The following PTPRM variants were observed in gnomAD, a reference collection of about 807,000 sequenced individuals.
PTPRM encodes the protein receptor-type tyrosine-protein phosphatase mu.
Under a neutral mutation model 186.7 loss-of-function variants are expected in PTPRM, and 47 were observed. The observed-to-expected ratio is 0.25, with a 90% CI of 0.20 to 0.32. The LOEUF is 0.32. PTPRM is among the 10% of genes least tolerant of loss of function. PTPRM has a pLI of 1.00. For synonymous variants in PTPRM, 668 were observed against 674.9 expected (o/e 0.99, Z 0.16); for missense variants, 1,494 against 1,865.0 (o/e 0.80, Z 3.66).
chr18:7,791,590 T>C (rs182929735), intron 2 of PTPRM, among the ~76,000 whole-genome samples: 8 of 152,242 alleles, frequency 5.3e-5, no homozygotes, highest in African/African-American at 1.9e-4. Context: ...GTGGGCTAAG[T>C]CTGGAAGTGG....
At chr18:8,401,166 A>G (rs2148639296) in intron 32 of PTPRM, among the ~76,000 whole-genome samples, 1 of 152,128 alleles carries the variant, frequency 6.6e-6, no homozygotes, top group South Asian at 2.1e-4. Flanking sequence ...CTCTGCAGCC[A>G]GACCTGAGTC....
intron 5 of PTPRM, among the ~76,000 whole-genome samples, chr18:7,941,876 A>G (rs2052198156): frequency 6.6e-6 from 1 of 152,238 alleles, no homozygotes. Flanking sequence ...CTCATGCTCC[A>G]AGAAATATGG....
chr18:7,987,791 T>C (rs966739859), intron 7 of PTPRM, among the ~76,000 whole-genome samples: 2 of 152,184 alleles, frequency 1.3e-5, no homozygotes, highest in African/African-American at 4.8e-5. Context: ...TGATTCACTT[T>C]TGTTCACAGT....
chr18:8,030,984 C>T (rs2085929143), intron 7 of PTPRM, among the ~76,000 whole-genome samples: 1 of 152,130 alleles, frequency 6.6e-6, no homozygotes, highest in Non-Finnish European at 1.5e-5. Flanking sequence ...TTTCTTTATA[C>T]TTTGGATCTT....
chr18:7,685,158 T>C (rs1273993188), intron 1 of PTPRM, among the ~76,000 whole-genome samples: 1 of 152,160 alleles, frequency 6.6e-6, no homozygotes, highest in Non-Finnish European at 1.5e-5. Context: ...GGTGGGTAAG[T>C]GCATTTTTAA....
At chr18:7,867,385 C>T (rs1034613574) in intron 2 of PTPRM, among the ~76,000 whole-genome samples, 1 of 152,168 alleles carries the variant, frequency 6.6e-6, no homozygotes, top group South Asian at 2.1e-4. Flanking sequence ...TCTTGTATTG[C>T]AGGCCTGGTG....
chr18:8,091,587 A>ATT lies in PTPRM; in HGVS notation c.1856+2752_1856+2753dup, dbSNP rs371274350. Among the ~76,000 whole-genome samples the ATT allele has an allele frequency of 1.4e-3, 190 of 140,252 alleles. 1 individual carries two copies. The highest frequency in any genetic ancestry group is 7.5e-3 in the Middle Eastern group (2 of 268). The allele number at this position is 140,252 out of a possible 152,430, so 92.0% of individuals were successfully genotyped here. A position where few individuals can be genotyped will look rare whatever the true frequency, so the allele number is the denominator to read the frequency against. On this transcript the variant is annotated intron_variant, in intron 11 of 32. Coordinates refer to ENST00000580170, the MANE Select transcript of PTPRM (RefSeq NM_001105244.2). ...TATTTCAACCTCACCTGTCGAAAAGATTTTTTTTTTTTTTTTTGCAGAAAA... is the reference window on the plus strand; with the variant it reads ...TATTTCAACCTCACCTGTCGAAAAGATTTTTTTTTTTTTTTTTTTGCAGAAAA...
intron 14 of PTPRM, among the ~76,000 whole-genome samples, chr18:8,180,108 T>C (rs1454647391): frequency 6.6e-6 from 1 of 151,972 alleles, no homozygotes; most frequent in African/African-American, 2.4e-5. Flanking sequence ...TAGGGGTTGA[T>C]TAGTAAGCAG....
At chr18:7,803,545 C>T (rs781342464) in intron 2 of PTPRM, among the ~76,000 whole-genome samples, 34 of 152,226 alleles carry the variant, frequency 2.2e-4, no homozygotes, top group South Asian at 4.1e-4. Flanking sequence ...GATTAAGACA[C>T]GGACATCATT....
At chr18:7,841,907 A>G (rs145754955) in intron 2 of PTPRM, among the ~76,000 whole-genome samples, 1 of 151,394 alleles carries the variant, frequency 6.6e-6, no homozygotes, top group Non-Finnish European at 1.5e-5. Flanking sequence ...TTTATTCTTC[A>G]TAGATATAAA....
At chr18:8,003,513 C>G in intron 7 of PTPRM, among the ~76,000 whole-genome samples, 1 of 152,222 alleles carries the variant, frequency 6.6e-6, no homozygotes, top group Admixed American at 6.5e-5. Context: ...GAGGAAGGTG[C>G]CTCAGCCAGG....
At chr18:8,314,551 A>G (rs989758141) in intron 20 of PTPRM, among the ~76,000 whole-genome samples, 9 of 152,366 alleles carry the variant, frequency 5.9e-5, no homozygotes, top group East Asian at 1.9e-4. Flanking sequence ...AGGCCCGTCA[A>G]TGATCAAAGA....
chr18:7,920,031 A>G lies in PTPRM; in HGVS notation c.548-6537A>G, dbSNP rs112369022. 7.0e-3 allele frequency among the ~76,000 whole-genome samples: 1,065 copies of G among 152,026 alleles called. 15 individuals carry two copies. Among genetic ancestry groups the G allele is most frequent in the African/African-American group, 0.025 (1,022 of 41,494 alleles). On this transcript the variant is annotated intron_variant, in intron 4 of 32. Coordinates refer to ENST00000580170, the MANE Select transcript of PTPRM (RefSeq NM_001105244.2). ...TCCTCTTTTTTTGTTTTCCAGTTAG[A>G]TGGAGTATCTTTTTCTACCCACTTC...
rs541789332 is a variant in PTPRM at position 7,720,418 on chromosome 18, A to G, written c.74-53731A>G. On this transcript the variant is annotated intron_variant, in intron 1 of 32. Coordinates refer to ENST00000580170, the MANE Select transcript of PTPRM (RefSeq NM_001105244.2). Reference sequence around the variant, plus strand: ...AGAACACATGGAAATTCACTGTAATAAAAGTGGCTTCTCAAATCAGTGGGA... The same window carrying G: ...AGAACACATGGAAATTCACTGTAATGAAAGTGGCTTCTCAAATCAGTGGGA... 3.9e-5 allele frequency among the ~76,000 whole-genome samples: 6 copies of G among 152,316 alleles called. No individual in the cohort carries two copies. The South Asian group carries it at 1.2e-3, about 32-fold the overall frequency.
intron 4 of PTPRM, among the ~76,000 whole-genome samples, chr18:7,918,792 T>G (rs1361741688): frequency 6.6e-6 from 1 of 152,214 alleles, no homozygotes; most frequent in Non-Finnish European, 1.5e-5. Flanking sequence ...GTAGAAGCTT[T>G]TTAGCTTAAT....
chr18:8,188,141 G>A (rs182101484), intron 14 of PTPRM, among the ~76,000 whole-genome samples: 1 of 152,272 alleles, frequency 6.6e-6, no homozygotes, highest in East Asian at 1.9e-4. Flanking sequence ...AGGCAGAAAG[G>A]AAATGTTCAG....
chr18:8,336,583 A>T (rs1435762359), intron 22 of PTPRM, among the ~76,000 whole-genome samples: 1 of 150,060 alleles, frequency 6.7e-6, no homozygotes, highest in African/African-American at 2.5e-5. Context: ...ACAGACAGAG[A>T]CAGACAGAGA....
chr18:8,340,333 G>T (rs936395550), intron 22 of PTPRM, among the ~76,000 whole-genome samples: 4 of 152,126 alleles, frequency 2.6e-5, no homozygotes, highest in South Asian at 2.1e-4. Context: ...TGTTCTTCTG[G>T]ATCCACATAT....
At chr18:7,835,352 G>C (rs12969829) in intron 2 of PTPRM, among the ~76,000 whole-genome samples, 2 of 151,868 alleles carry the variant, frequency 1.3e-5, no homozygotes. Context: ...TGGTCATTCA[G>C]AAACATTTTG....
Sources: allele counts gnomAD v4.1 joint callset (sites outside exome capture counted in the v4.1 genomes callset), GRCh38; gene constraint gnomAD v4.1.1; transcripts MANE v1.5; gene names NCBI Gene and HGNC (gene_info 2026-07-23, HGNC 2026-07-21).